ELP4: variants seen among roughly 807,000 people sequenced by gnomAD.
ELP4 encodes elongator complex protein 4.
Under a neutral mutation model 48.9 loss-of-function variants are expected in ELP4, and 51 were observed. The observed-to-expected ratio is 1.04, with a 90% confidence interval of 0.83 to 1.32. ELP4 has a LOEUF of 1.32. Ranked by LOEUF, ELP4 falls within the 40% of genes most tolerant of loss-of-function variation. The probability of loss-of-function intolerance (pLI) is 0.00; values close to 1 mark genes in which losing one functional copy is unlikely to be tolerated. For missense variants in ELP4, 519 were observed against 514.6 expected (o/e 1.01, Z -0.08); for synonymous variants, 210 against 189.2 (o/e 1.11, Z -0.90).
At chr11:31,532,701 A>G (rs1389061948) in intron 2 of ELP4, among the ~76,000 whole-genome samples, 1 of 150,752 alleles carries the variant, frequency 6.6e-6, no homozygotes, top group Non-Finnish European at 1.5e-5. Context: ...ACAGTCATGT[A>G]TATTTTATTT....
At position 31,531,025 on chromosome 11, in the gene ELP4, A is replaced by G. The variant is rs546458965; in HGVS notation, c.260-8637A>G. ...GCCCAGTGTTATGGGGATTCACTAAATAGATTAATTAAATGCTTATTGTAC... is the reference window on the plus strand; with the variant it reads ...GCCCAGTGTTATGGGGATTCACTAAGTAGATTAATTAAATGCTTATTGTAC... On this transcript the variant is annotated intron_variant, in intron 2 of 9. Transcript: ENST00000640961. Among the ~76,000 whole-genome samples the G allele has an allele frequency of 4.6e-5, 7 of 152,272 alleles. No individual in the cohort carries two copies. The East Asian group carries it at 1.2e-3, about 25-fold the overall frequency.
intron 9 of ELP4, among the ~76,000 whole-genome samples, chr11:31,701,369 T>C (rs1408508326): frequency 2.0e-5 from 3 of 152,128 alleles, no homozygotes; most frequent in Non-Finnish European, 2.9e-5. Flanking sequence ...CTTGCTCTTA[T>C]TCTTTAATTC....
At chr11:31,782,187 C>A (rs1427485441) in intron 9 of ELP4, among the ~76,000 whole-genome samples, 1 of 152,250 alleles carries the variant, frequency 6.6e-6, no homozygotes, top group Admixed American at 6.5e-5. Context: ...ATATTTTGAT[C>A]ATGTGCACAC....
chr11:31,737,650 C>T (rs1023903959), intron 9 of ELP4, among the ~76,000 whole-genome samples: 29 of 151,964 alleles, frequency 1.9e-4, no homozygotes, highest in Non-Finnish European at 2.9e-4. Context: ...AGATAAATAA[C>T]CCAATTCAAA....
intron 9 of ELP4, among the ~76,000 whole-genome samples, chr11:31,693,512 G>A (rs984622205): frequency 6.6e-6 from 1 of 152,110 alleles, no homozygotes; most frequent in Non-Finnish European, 1.5e-5. Flanking sequence ...TGGCTGCATA[G>A]TATTCCATTG....
intron 9 of ELP4, among the ~76,000 whole-genome samples, chr11:31,754,092 T>C (rs959884620): frequency 6.6e-5 from 10 of 152,202 alleles, no homozygotes; most frequent in African/African-American, 2.4e-4. Context: ...ATCTAGCCAC[T>C]TCTTACCACC....
intron 9 of ELP4, among the ~76,000 whole-genome samples, chr11:31,742,950 A>C (rs1383685299): frequency 6.6e-6 from 1 of 152,190 alleles, no homozygotes; most frequent in Non-Finnish European, 1.5e-5. Flanking sequence ...AAAGACACAG[A>C]CTGGCAAAAT....
chr11:31,693,014 C>T (rs1002331902), intron 9 of ELP4, among the ~76,000 whole-genome samples: 1 of 152,064 alleles, frequency 6.6e-6, no homozygotes, highest in African/African-American at 2.4e-5. Context: ...TCTTGTTTAT[C>T]GCTGATTCTT....
chr11:31,766,630 T>C (rs1948047765), intron 9 of ELP4, among the ~76,000 whole-genome samples: 1 of 152,082 alleles, frequency 6.6e-6, no homozygotes, highest in Admixed American at 6.6e-5. Context: ...AGATAGACTG[T>C]TGAAATATAC....
chr11:31,750,556 G>A (rs1404318008), intron 9 of ELP4, among the ~76,000 whole-genome samples: 1 of 152,054 alleles, frequency 6.6e-6, no homozygotes, highest in Non-Finnish European at 1.5e-5. Flanking sequence ...AGATGGATGT[G>A]ACATGTTGTC....
intron 9 of ELP4, among the ~76,000 whole-genome samples, chr11:31,743,616 T>C (rs1382026032): frequency 1.3e-5 from 2 of 152,114 alleles, no homozygotes; most frequent in East Asian, 1.9e-4. Flanking sequence ...CTCAACTACA[T>C]GGAAACTGAA....
At chr11:31,773,644 AAC>A (rs1267491645) in intron 9 of ELP4, among the ~76,000 whole-genome samples, 3 of 152,172 alleles carry the variant, frequency 2.0e-5, no homozygotes, top group African/African-American at 7.2e-5. Context: ...GTGGAATCTC[AAC>A]ACACAAAAAT....
At chr11:31,668,476 T>C (rs1945725803) in intron 9 of ELP4, among the ~76,000 whole-genome samples, 1 of 151,810 alleles carries the variant, frequency 6.6e-6, no homozygotes, top group Non-Finnish European at 1.5e-5. Flanking sequence ...TTTCCAGTAA[T>C]GTGTTGTAAT....
intron 9 of ELP4, among the ~76,000 whole-genome samples, chr11:31,661,796 A>T (rs909393512): frequency 1.3e-5 from 2 of 152,136 alleles, no homozygotes; most frequent in African/African-American, 4.8e-5. Flanking sequence ...ATATCAGCTA[A>T]TAAGATAATG....
intron 9 of ELP4, among the ~76,000 whole-genome samples, chr11:31,745,046 A>G (rs1947550528): frequency 6.6e-6 from 1 of 152,244 alleles, no homozygotes; most frequent in African/African-American, 2.4e-5. Flanking sequence ...GCAAAGTCTC[A>G]GGATACAAAA....
intron 9 of ELP4, among the ~76,000 whole-genome samples, chr11:31,698,190 T>G (rs1946450157): frequency 6.6e-6 from 1 of 152,194 alleles, no homozygotes; most frequent in South Asian, 2.1e-4. Flanking sequence ...GTTGAAACTT[T>G]AAACACATAT....
chr11:31,575,513 G>C (rs897303454), intron 3 of ELP4, among the ~76,000 whole-genome samples: 3 of 151,996 alleles, frequency 2.0e-5, no homozygotes, highest in Non-Finnish European at 4.4e-5. Flanking sequence ...TTGAAATGAA[G>C]GAAAAAATGT....
At chr11:31,745,084 T>TA (rs1397199407) in intron 9 of ELP4, among the ~76,000 whole-genome samples, 1 of 152,186 alleles carries the variant, frequency 6.6e-6, no homozygotes, top group Non-Finnish European at 1.5e-5. Context: ...CAAGCATTCT[T>TA]ATACACCATT....
At chr11:31,673,981 T>G (rs865876847) in intron 9 of ELP4, among the ~76,000 whole-genome samples, 1 of 152,226 alleles carries the variant, frequency 6.6e-6, no homozygotes, top group South Asian at 2.1e-4. Flanking sequence ...GTTAGAGAAC[T>G]GCTTGCTTGT....
Sources: gnomAD v4.1 joint callset for allele counts (sites outside exome capture counted in the v4.1 genomes callset) on GRCh38, gnomAD v4.1.1 for gene constraint, MANE v1.5 for transcripts, NCBI Gene and HGNC (gene_info 2026-07-23, HGNC 2026-07-21) for gene names.